CDH3: variants seen among roughly 807,000 people sequenced by gnomAD.
CDH3 encodes the protein cadherin-3.
Under a neutral mutation model 82.0 loss-of-function variants are expected in CDH3, and 54 were observed. That is an observed-to-expected ratio of 0.66 (90% CI 0.53 to 0.83). The LOEUF (loss-of-function observed/expected upper bound fraction) is 0.83. CDH3 is among the 40% of genes least tolerant of loss of function. The probability of loss-of-function intolerance (pLI) is 0.00; values close to 1 mark genes in which losing one functional copy is unlikely to be tolerated. For synonymous variants in CDH3, 446 were observed against 437.9 expected (o/e 1.02, Z -0.23); for missense variants, 1,054 against 1,084.6 (o/e 0.97, Z 0.40).
chr16:68,704,405 T>C (rs1961935674), downstream of CDH3, among the ~76,000 whole-genome samples: 1 of 151,992 alleles, frequency 6.6e-6, no homozygotes, highest in African/African-American at 2.4e-5. Context: ...CTGCTAGCGC[T>C]CCCTTGGTGG....
chr16:68,672,822 T>C (rs146899063), intron 2 of CDH3, among the ~76,000 whole-genome samples: 135 of 152,326 alleles, frequency 8.9e-4, no homozygotes, highest in African/African-American at 2.9e-3. Flanking sequence ...CAAGCCCCTC[T>C]GTCCTCTCCC....
chr16:68,681,183 G>A, intron 8 of CDH3, 87 bp downstream of exon 8: 1 of 1,426,072 alleles, frequency 7.0e-7, no homozygotes, highest in Non-Finnish European at 9.9e-7. Context: ...AGTCTATATT[G>A]CTTCAAATGC....
rs538274523 is a variant in CDH3, at chr16:68,650,882, C to G, written c.160+5132C>G. 7.3e-5 allele frequency among the ~76,000 whole-genome samples: 11 copies of G among 151,434 alleles called. No individual in the cohort carries two copies. The East Asian group carries it at 1.8e-3, about 24-fold the overall frequency. ...GGCAAGGGGGGAATATCCCTGCTGC[C>G]ACATCCCATGACGCCACTCACAGAC... On this transcript the variant is annotated intron_variant, in intron 2 of 15. Coordinates refer to ENST00000264012, the MANE Select transcript of CDH3 (RefSeq NM_001793.6).
At chr16:68,651,811 C>A in intron 2 of CDH3, 1 of 442,754 alleles carries the variant, frequency 2.3e-6, no homozygotes, top group South Asian at 1.9e-5. Context: ...TGCTGGAAGT[C>A]AGGGCTGATG....
intron 2 of CDH3, among the ~76,000 whole-genome samples, chr16:68,673,410 A>G (rs6499192): frequency 0.43 from 65,190 of 151,526 alleles, 14,575 homozygotes; most frequent in East Asian, 0.62. Context: ...GAAACTCTGT[A>G]CTCATTAGGC....
At chr16:68,691,219 T>G (rs1158803554) in intron 12 of CDH3, among the ~76,000 whole-genome samples, 1 of 152,102 alleles carries the variant, frequency 6.6e-6, no homozygotes, top group Non-Finnish European at 1.5e-5. Context: ...TTGGCCAGGA[T>G]GGTCTCGATC....
chr16:68,654,304 C>T (rs1369405385), intron 2 of CDH3, among the ~76,000 whole-genome samples: 1 of 149,544 alleles, frequency 6.7e-6, no homozygotes, highest in Non-Finnish European at 1.5e-5. Context: ...TGTGATCTAC[C>T]CGCCTTGGCC....
chr16:68,672,227 AAAAG>A (rs1292672732), intron 2 of CDH3, among the ~76,000 whole-genome samples: 2 of 147,526 alleles, frequency 1.4e-5, no homozygotes, highest in Admixed American at 6.8e-5. Flanking sequence ...AAATAAAAAA[AAAAG>A]AAAATAAGTT....
chr16:68,703,017 T>C (rs1030946579), downstream of CDH3, among the ~76,000 whole-genome samples: 7 of 152,226 alleles, frequency 4.6e-5, no homozygotes, highest in South Asian at 4.1e-4. Context: ...ATTTTACAGA[T>C]GGAAAAAGAG....
intron 2 of CDH3, among the ~76,000 whole-genome samples, chr16:68,648,843 C>T (rs538481720): frequency 9.2e-5 from 14 of 151,360 alleles, no homozygotes; most frequent in African/African-American, 2.7e-4. Context: ...CAAGCTCTCC[C>T]GGCCCCCCAC....
chr16:68,678,106 C>G (rs748067951), intron 3 of CDH3, 28 bp from the exon 4 acceptor site: 1 of 1,609,766 alleles, frequency 6.2e-7, no homozygotes, highest in East Asian at 2.2e-5. Context: ...ATTTGCACAT[C>G]TGGGTTAAGG....
rs550675419 is a variant in CDH3, at chr16:68,707,467, C to T, written c.99+11544C>T. 1.6e-4 allele frequency among the ~76,000 whole-genome samples: 25 copies of T among 152,222 alleles called. No individual in the cohort carries two copies. The highest frequency in any genetic ancestry group is 6.2e-4 in the South Asian group (3 of 4,822). On this transcript the variant is annotated intron_variant, in intron 1 of 2. Coordinates refer to the CDH3 transcript ENST00000569080. This position sits in a 1 kb window ranked among gnomAD's most constrained non-coding sequence, Gnocchi z 4.5. ...TCCCTGAGGATGCGGCAGGGCCTGT[C>T]GGGGCCTGTGGGCAGCTGCAGAGCT... is the stretch of plus-strand genomic sequence containing the variant.
intron 2 of CDH3, among the ~76,000 whole-genome samples, chr16:68,662,544 C>CTTTTTTTT (rs34173111): frequency 1.1e-5 from 1 of 94,028 alleles, no homozygotes; most frequent in East Asian, 3.1e-4. Flanking sequence ...TGAAGCCAGC[C>CTTTTTTTT]TTTTTTTTTT....
intron 1 of CDH3, among the ~76,000 whole-genome samples, chr16:68,712,288 T>A (rs1331489392): frequency 1.4e-5 from 2 of 140,914 alleles, no homozygotes; most frequent in African/African-American, 5.1e-5. Flanking sequence ...CCTCCCACCT[T>A]GACCTCCTAA....
chr16:68,651,431 A>T, intron 2 of CDH3: 1 of 417,406 alleles, frequency 2.4e-6, no homozygotes, highest in South Asian at 1.9e-5. Context: ...ACTGGCTTGC[A>T]CATTTGTTGG....
downstream of CDH3, among the ~76,000 whole-genome samples, chr16:68,704,144 G>A (rs560437838): frequency 1.2e-3 from 186 of 151,492 alleles, no homozygotes; most frequent in Non-Finnish European, 1.8e-3. Context: ...AAAATTAGCC[G>A]GGCGTGGTGG....
intron 3 of CDH3, among the ~76,000 whole-genome samples, chr16:68,677,763 G>A (rs560594819): frequency 1.3e-4 from 20 of 152,112 alleles, no homozygotes; most frequent in Non-Finnish European, 2.8e-4. Flanking sequence ...AAGAAAAAAA[G>A]ATCTTTCCCT....
chr16:68,704,858 C>G (rs1961940903), downstream of CDH3, among the ~76,000 whole-genome samples: 1 of 152,198 alleles, frequency 6.6e-6, no homozygotes, highest in South Asian at 2.1e-4. Flanking sequence ...GAGTTCCAGA[C>G]CAGCCTGGGC....
chr16:68,653,512 C>T (rs946817718), intron 2 of CDH3, among the ~76,000 whole-genome samples: 2 of 152,134 alleles, frequency 1.3e-5, no homozygotes. Flanking sequence ...GCTGGGATTA[C>T]AGGCTTGAGC....
Sources: allele counts gnomAD v4.1 joint callset (sites outside exome capture counted in the v4.1 genomes callset), GRCh38; gene constraint gnomAD v4.1.1; non-coding constraint Gnocchi (gnomAD v3.1); transcripts MANE v1.5; gene names NCBI Gene and HGNC (gene_info 2026-07-23, HGNC 2026-07-21).